Variants in CFAP36 observed in about 807,000 individuals in gnomAD.
The protein encoded by CFAP36 is cilia- and flagella-associated protein 36.
A neutral mutation model predicts 50.5 loss-of-function variants in CFAP36; 37 were observed. That is an observed-to-expected ratio of 0.73 (90% CI 0.56 to 0.96). CFAP36 has a LOEUF of 0.96. CFAP36 is among the 50% of genes least tolerant of loss of function. The pLI is 0.00. For missense variants in CFAP36, 407 were observed against 396.2 expected (o/e 1.03, Z -0.23); for synonymous variants, 138 against 128.2 (o/e 1.08, Z -0.52).
intron 3 of CFAP36, among the ~76,000 whole-genome samples, chr2:55,528,436 C>T (rs1183193377): frequency 6.6e-6 from 1 of 151,574 alleles, no homozygotes; most frequent in African/African-American, 2.4e-5. Flanking sequence ...GCTCTGTCAC[C>T]CAGGCTGGAG....
In CFAP36 at chr2:55,533,122, C is replaced by G. The variant is rs965932332; in HGVS notation, c.398-751C>G. On this transcript the variant is annotated intron_variant, in intron 4 of 9. Coordinates refer to ENST00000349456, the MANE Select transcript of CFAP36 (RefSeq NM_080667.7). ...ACATCTGTTATAATATAAATGAAGACTTTTAATGCTATTTCAATTAGCAAA... is the reference window on the plus strand; with the variant it reads ...ACATCTGTTATAATATAAATGAAGAGTTTTAATGCTATTTCAATTAGCAAA... Among the ~76,000 whole-genome samples, 169 of 152,292 alleles carry G rather than the reference C, an allele frequency of 1.1e-3. 2 individuals are homozygous for G. Among genetic ancestry groups the G allele is most frequent in the Non-Finnish European group, 1.1e-3 (75 of 68,020 alleles).
intron 4 of CFAP36, among the ~76,000 whole-genome samples, chr2:55,529,836 T>C (rs893835559): frequency 6.6e-6 from 1 of 151,962 alleles, no homozygotes; most frequent in Admixed American, 6.6e-5. Flanking sequence ...TTAGTAGAGA[T>C]GGGGTTTCAC....
chr2:55,523,605 G>A (rs985506885), intron 2 of CFAP36, 116 bp from the exon 3 acceptor site: 3 of 583,682 alleles, frequency 5.1e-6, no homozygotes, highest in Admixed American at 3.0e-5. Flanking sequence ...CATGTAATAT[G>A]TAGATTAATA....
At chr2:55,537,386 G>C (rs1484456788) in intron 6 of CFAP36, 97 bp from the exon 7 acceptor site, 1 of 818,464 alleles carries the variant, frequency 1.2e-6, no homozygotes, top group African/African-American at 1.8e-5. Flanking sequence ...AAAAAAAAAA[G>C]AAAACTATAA....
chr2:55,533,512 T>A (rs1205582573), intron 4 of CFAP36, among the ~76,000 whole-genome samples: 1 of 151,828 alleles, frequency 6.6e-6, no homozygotes, highest in Non-Finnish European at 1.5e-5. Flanking sequence ...GAGACCAGCC[T>A]GCCGACATGG....
intron 4 of CFAP36, among the ~76,000 whole-genome samples, chr2:55,530,434 G>A (rs558480254): frequency 6.6e-6 from 1 of 152,250 alleles, no homozygotes; most frequent in East Asian, 1.9e-4. Flanking sequence ...GCTAGTCCTG[G>A]GACCACACCA....
chr2:55,544,837 G>C, intron 9 of CFAP36, 70 bp from the exon 10 acceptor site: 1 of 966,178 alleles, frequency 1.0e-6, no homozygotes, highest in Non-Finnish European at 1.6e-6. Flanking sequence ...TTCATTTGAG[G>C]CAGTATGTTG....
At chr2:55,536,289 C>T (rs895343898) in intron 6 of CFAP36, among the ~76,000 whole-genome samples, 7 of 151,666 alleles carry the variant, frequency 4.6e-5, no homozygotes, top group Admixed American at 6.6e-5. Flanking sequence ...TGCGCCATCA[C>T]GCCTGGCTAA....
intron 3 of CFAP36, among the ~76,000 whole-genome samples, chr2:55,526,958 T>C (rs1684222424): frequency 6.6e-6 from 1 of 152,016 alleles, no homozygotes; most frequent in Non-Finnish European, 1.5e-5. Flanking sequence ...AGCCCAAGAA[T>C]TTGAGGCTGC....
chr2:55,536,977 A>T (rs1177512570), intron 6 of CFAP36, among the ~76,000 whole-genome samples: 3 of 151,934 alleles, frequency 2.0e-5, no homozygotes, highest in Non-Finnish European at 4.4e-5. Context: ...TCCTGACCTC[A>T]GGTGATCTGC....
intron 6 of CFAP36, chr2:55,535,971 C>CAG: frequency 9.3e-6 from 9 of 967,402 alleles, no homozygotes; most frequent in Non-Finnish European, 1.1e-5. Context: ...ACTATATATA[C>CAG]TTAACTGTAT....
chr2:55,536,833 C>A (rs886973255), intron 6 of CFAP36, among the ~76,000 whole-genome samples: 16 of 151,920 alleles, frequency 1.1e-4, no homozygotes, highest in African/African-American at 3.9e-4. Context: ...CAACCTCTGC[C>A]TCCCAGGCTC....
Position 55,519,894 on chromosome 2 carries a change from C to G in CFAP36, c.93C>G (p.Asp31Glu). ...RGPDWSIPIL[D>E]FVEQKCEVFD... is the part of the protein sequence containing the mutation. ...CAGACTGGTCCATCCCCATCTTGGA[C>G]TTTGTGGAACAGAAATGTGAAGGTA... The change falls in exon 1 of 10, where the codon GAC (aspartate) becomes GAG (glutamate). Residue 31 changes from aspartate (D) to glutamate (E), a missense_variant. Transcript: ENST00000349456. 6.2e-7 allele frequency: 1 copy of G among 1,614,184 alleles called. No homozygotes were observed.
intron 1 of CFAP36, among the ~76,000 whole-genome samples, chr2:55,520,703 C>T (rs1194835300): frequency 6.6e-6 from 1 of 152,164 alleles, no homozygotes; most frequent in East Asian, 1.9e-4. Context: ...TAAATGAGTG[C>T]CCAAGCGTTA....
chr2:55,522,138 C>T lies in CFAP36; in HGVS notation c.152C>T (p.Thr51Ile), dbSNP rs1684084486. 5 of 1,542,238 alleles carry T rather than the reference C, an allele frequency of 3.2e-6. No homozygotes were observed. Among genetic ancestry groups the T allele is most frequent in the African/African-American group, 2.8e-5 (2 of 72,698 alleles). The change falls in exon 2 of 10, where the codon ACA (threonine) becomes ATA (isoleucine). Residue 51 changes from threonine (T) to isoleucine (I), a missense_variant. Physicochemically the swap from Thr to Ile is moderately conservative, Grantham distance 89 (BLOSUM62 -1). Transcript: ENST00000349456. ...DDEEESKLTYTEIHQEYKELV... is the reference protein window; with the variant it reads ...DDEEESKLTYIEIHQEYKELV... ...GAAGAAGAAAGCAAATTGACCTATACAGAGATTCATCAGGAATACAAAGAA... is the reference window on the plus strand; with the variant it reads ...GAAGAAGAAAGCAAATTGACCTATATAGAGATTCATCAGGAATACAAAGAA...
intron 7 of CFAP36, among the ~76,000 whole-genome samples, chr2:55,542,878 G>A (rs1172090324): frequency 6.6e-6 from 1 of 152,130 alleles, no homozygotes; most frequent in Non-Finnish European, 1.5e-5. Context: ...TTGGTTTGGA[G>A]TGCTGGTTAC....
chr2:55,536,378 G>A (rs1290563079), intron 6 of CFAP36, among the ~76,000 whole-genome samples: 6 of 151,772 alleles, frequency 4.0e-5, no homozygotes, highest in African/African-American at 7.3e-5. Context: ...TGATCTGCCC[G>A]CCTCGGCCTC....
chr2:55,525,709 C>A (rs1193926231), intron 3 of CFAP36, among the ~76,000 whole-genome samples: 2 of 152,056 alleles, frequency 1.3e-5, no homozygotes, highest in African/African-American at 4.8e-5. Context: ...CGGCTCACTG[C>A]AACCTCCGTC....
chr2:55,528,878 G>T lies in CFAP36; in HGVS notation c.283G>T (p.Ala95Ser), dbSNP rs1684279122. ...SPLAKTHTSQ[A>S]ILQPVLAAED... Reference sequence around the variant, plus strand: ...TTTCACTTGAGACTTCTTTCCACAGGCCATTTTGCAACCTGTGTTGGCAGC... The same window carrying T: ...TTTCACTTGAGACTTCTTTCCACAGTCCATTTTGCAACCTGTGTTGGCAGC... The change falls in exon 4 of 10, where the codon GCC (alanine) becomes TCC (serine). Residue 95 changes from alanine to serine, a missense_variant and splice_region_variant. By Grantham distance (99) the Ala-to-Ser change is moderately conservative. Coordinates refer to ENST00000349456, the MANE Select transcript of CFAP36 (RefSeq NM_080667.7). The T allele has an allele frequency of 1.3e-6, 2 of 1,591,352 alleles. No individual in the cohort carries two copies. Among genetic ancestry groups the T allele is most frequent in the Non-Finnish European group, 1.7e-6 (2 of 1,167,580 alleles).
Sources: gnomAD v4.1 joint callset for allele counts (sites outside exome capture counted in the v4.1 genomes callset) on GRCh38, gnomAD v4.1.1 for gene constraint, MANE v1.5 for transcripts, NCBI Gene and HGNC (gene_info 2026-07-23, HGNC 2026-07-21) for gene names.